GRM4: variants seen among roughly 807,000 people sequenced by gnomAD.
GRM4 encodes glutamate metabotropic receptor 4, also known as metabotropic glutamate receptor 4.
In GRM4, 28 loss-of-function variants were observed where a neutral mutation model predicts 81.7. That is an observed-to-expected ratio of 0.34 (90% CI 0.25 to 0.47). The LOEUF is 0.47. GRM4 is among the 20% of genes least tolerant of loss of function. The probability of loss-of-function intolerance (pLI) is 1.00; values close to 1 mark genes in which losing one functional copy is unlikely to be tolerated. For missense variants in GRM4, 948 were observed against 1,290.0 expected, an observed-to-expected ratio of 0.73 and a Z score of 4.06; for synonymous variants, 488 against 528.8, an observed-to-expected ratio of 0.92 and a Z score of 1.06.
intron 2 of GRM4, among the ~76,000 whole-genome samples, chr6:34,104,320 TG>T (rs1769009353): frequency 6.6e-6 from 1 of 152,162 alleles, no homozygotes; most frequent in Non-Finnish European, 1.5e-5. Flanking sequence ...TCCTTGCCAG[TG>T]GGCAGGAGGC....
At chr6:34,110,501 G>A (rs927359281) in intron 2 of GRM4, among the ~76,000 whole-genome samples, 3 of 150,958 alleles carry the variant, frequency 2.0e-5, no homozygotes, top group African/African-American at 4.9e-5. Context: ...CTTTGCATGT[G>A]CAGTGCCCTC....
At chr6:34,082,889 A>G (rs1455983771) in intron 3 of GRM4, among the ~76,000 whole-genome samples, 1 of 152,178 alleles carries the variant, frequency 6.6e-6, no homozygotes, top group Non-Finnish European at 1.5e-5. Context: ...CGTCTGCCCC[A>G]GTGTCTGGGC....
chr6:34,040,897 C>T, intron 6 of GRM4, 149 bp from the exon 7 acceptor site: 1 of 664,484 alleles, frequency 1.5e-6, no homozygotes, highest in South Asian at 1.8e-5. Flanking sequence ...GCCCAGTGCT[C>T]TATCACCCAG....
In GRM4 at chr6:34,035,594, G is replaced by T; in HGVS notation, c.2442+74C>A. 1.2e-6 allele frequency: 1 copy of T among 853,774 alleles called. No homozygotes were observed. The highest frequency in any genetic ancestry group is 1.7e-6 in the Non-Finnish European group (1 of 575,108). 52.9% of individuals were successfully genotyped at this position (853,774 alleles called of 1,614,324 possible). ...CATTTCTGGAGCAGGGGGGAGGCCA[G>T]CCAGCCTCAGGAGGCTGCCCCTTGC... On this transcript the variant is annotated intron_variant, in intron 9 of 10. Coordinates refer to ENST00000538487, the MANE Select transcript of GRM4 (RefSeq NM_000841.4). The surrounding 1 kb of genome is among the most constrained non-coding windows in gnomAD (Gnocchi z 6.6).
At chr6:34,051,977 G>A (rs949833406) in intron 6 of GRM4, among the ~76,000 whole-genome samples, 6 of 152,186 alleles carry the variant, frequency 3.9e-5, no homozygotes, top group Admixed American at 1.3e-4. Flanking sequence ...TCTAATAGCC[G>A]TATGCTTGAG....
In GRM4 at chr6:34,019,448, T is replaced by C. The variant is rs577712506; in HGVS notation, c.*3373A>G. 11 of 152,220 alleles carry C rather than the reference T, an allele frequency of 7.2e-5. No individual in the cohort carries two copies. The highest frequency in any genetic ancestry group is 2.2e-4 in the African/African-American group (9 of 41,428). 9.4% of individuals were successfully genotyped at this position (152,220 alleles called of 1,614,324 possible). On this transcript the variant is annotated 3_prime_UTR_variant, in exon 11 of 11. Coordinates refer to ENST00000538487, the MANE Select transcript of GRM4 (RefSeq NM_000841.4). ...AAGTCTGGTGCCACTCTTGGCCCAC[T>C]TGACTGCACGGCCCATCTGCTGGGG...
intron 2 of GRM4, chr6:34,099,970 G>C (rs986130735): frequency 2.5e-6 from 2 of 786,154 alleles, no homozygotes; most frequent in African/African-American, 1.9e-5. Context: ...CCGGGAATTC[G>C]AATCAGCCCT....
Position 34,035,687 on chromosome 6 carries a change from G to A in GRM4, c.2423C>T (p.Thr808Ile). 2 of 1,585,498 alleles carry A rather than the reference G, an allele frequency of 1.3e-6. No individual in the cohort carries two copies. The highest frequency in any genetic ancestry group is 1.7e-6 in the Non-Finnish European group (2 of 1,159,160). The change falls in exon 9 of 11, where the codon ACC (threonine) becomes ATC (isoleucine). Residue 808 changes from threonine to isoleucine, a missense_variant. Transcript: ENST00000538487. This position sits in a 1 kb window ranked among gnomAD's most constrained non-coding sequence, Gnocchi z 6.6. ...ACTCACCTTGTCGGCCGACTGCGAG[G>A]TGCCAAAGAAGATGGGGATGAAGGC... ...WLAFIPIFFG[T>I]SQSADKLYIQ...
chr6:34,087,799 T>TACACACACACACAC (rs71000022), intron 3 of GRM4, among the ~76,000 whole-genome samples: 6,971 of 88,272 alleles, frequency 0.079, 778 homozygotes, highest in Middle Eastern at 0.098. Flanking sequence ...CATGCACCCC[T>TACACACACACACAC]ACACACACAC....
rs1014478547 is a variant in GRM4, at chr6:34,108,507, T to C, written c.520-16408A>G. ...CCGGGCCCTGCCTGCCATCACACTA[T>C]GCTGCCTCCACAGAGAAATAAGGAT... On this transcript the variant is annotated intron_variant, in intron 2 of 10. Coordinates refer to ENST00000538487, the MANE Select transcript of GRM4 (RefSeq NM_000841.4). Among the ~76,000 whole-genome samples, 4 of 152,204 alleles carry C rather than the reference T, an allele frequency of 2.6e-5. No homozygotes were observed. In the South Asian group the frequency reaches 8.3e-4, roughly 32 times the overall value.
At position 34,068,357 on chromosome 6, in the gene GRM4, G is replaced by C. The variant is rs138234236; in HGVS notation, c.737-6329C>G. On this transcript the variant is annotated intron_variant, in intron 3 of 10. Transcript: ENST00000538487. This position sits in a 1 kb window ranked among gnomAD's most constrained non-coding sequence, Gnocchi z 4.2. The stretch of plus-strand genomic sequence containing the variant: ...TCCCACTTACCTTCAAGTGAGGCGG[G>C]ACGTGCTGCTAAATGAATTCACATT... Among the ~76,000 whole-genome samples the C allele has an allele frequency of 4.0e-3, 611 of 152,286 alleles. 2 individuals carry two copies. The highest frequency in any genetic ancestry group is 5.7e-3 in the Non-Finnish European group (390 of 68,030).
chr6:34,085,979 G>C (rs1485292385), intron 3 of GRM4, among the ~76,000 whole-genome samples: 1 of 152,188 alleles, frequency 6.6e-6, no homozygotes. Context: ...CCTGAGGCGA[G>C]CTGGTGCCTG....
At chr6:34,148,945 G>T (rs1770994210), upstream of GRM4, among the ~76,000 whole-genome samples, 1 of 152,174 alleles carries the variant, frequency 6.6e-6, no homozygotes, top group Non-Finnish European at 1.5e-5. Context: ...CTCTGCAGGG[G>T]AAGGGGAAGG....
At chr6:34,091,601 G>C (rs1752466430) in intron 3 of GRM4, 1 of 461,468 alleles carries the variant, frequency 2.2e-6, no homozygotes, top group Non-Finnish European at 3.9e-6. Context: ...TGTGAGGAGA[G>C]CGGCCGCCCC....
At chr6:34,025,251 C>T (rs1429432271) in intron 10 of GRM4, among the ~76,000 whole-genome samples, 1 of 152,168 alleles carries the variant, frequency 6.6e-6, no homozygotes, top group Non-Finnish European at 1.5e-5. Context: ...AGAAAAGGAA[C>T]AGCAGTGGCT....
Position 34,080,905 on chromosome 6 carries a change from A to G in GRM4, c.736+10978T>C, listed in dbSNP as rs1189883033. Reference sequence around the variant, plus strand: ...ACACACACACAACCCTTACCATGCCAAGGTCTTCCAAGCCTCAGACCAGGT... The same window carrying G: ...ACACACACACAACCCTTACCATGCCGAGGTCTTCCAAGCCTCAGACCAGGT... On this transcript the variant is annotated intron_variant, in intron 3 of 10. Transcript: ENST00000538487. The surrounding 1 kb of genome is among the most constrained non-coding windows in gnomAD (Gnocchi z 5.4). 6.6e-6 allele frequency among the ~76,000 whole-genome samples: 1 copy of G among 151,490 alleles called. No homozygotes were observed. The highest frequency in any genetic ancestry group is 1.5e-5 in the Non-Finnish European group (1 of 67,874).
intron 3 of GRM4, chr6:34,063,520 AAC>A (rs149308804): frequency 4.6e-5 from 7 of 152,682 alleles, no homozygotes; most frequent in South Asian, 4.1e-4. Context: ...CACAGGACAC[AAC>A]ACACACACAC....
At chr6:34,146,989 A>G (rs1397586624), upstream of GRM4, among the ~76,000 whole-genome samples, 1 of 150,702 alleles carries the variant, frequency 6.6e-6, no homozygotes, top group African/African-American at 2.5e-5. Context: ...ATGCTAGGCC[A>G]AAACCACATC....
At chr6:34,063,644 A>T (rs1430049671) in intron 3 of GRM4, 1 of 152,318 alleles carries the variant, frequency 6.6e-6, no homozygotes, top group African/African-American at 2.4e-5. Context: ...CTAGGAGCTC[A>T]TGGGGAGGGG....
Sources: allele counts gnomAD v4.1 joint callset (sites outside exome capture counted in the v4.1 genomes callset), GRCh38; gene constraint gnomAD v4.1.1; non-coding constraint Gnocchi (gnomAD v3.1); transcripts MANE v1.5; gene names NCBI Gene and HGNC (gene_info 2026-07-23, HGNC 2026-07-21).